DPF3: variants seen among roughly 807,000 people sequenced by gnomAD.
DPF3 encodes the protein double PHD fingers 3, also known as zinc finger protein DPF3.
In DPF3, 18 loss-of-function variants were observed where a neutral mutation model predicts 56.8. The observed-to-expected ratio is 0.32, with a 90% CI of 0.22 to 0.47. The LOEUF is 0.47. DPF3 is among the 20% of genes least tolerant of loss of function. The probability of loss-of-function intolerance (pLI) is 1.00; values close to 1 mark genes in which losing one functional copy is unlikely to be tolerated. For synonymous variants in DPF3, 188 were observed against 180.2 expected (o/e 1.04, Z -0.35); for missense variants, 403 against 488.8 (o/e 0.82, Z 1.65).
At chr14:72,867,050 G>A (rs1245656393) in intron 1 of DPF3, among the ~76,000 whole-genome samples, 4 of 137,732 alleles carry the variant, frequency 2.9e-5, no homozygotes, top group South Asian at 2.1e-4. Context: ...TCAACAGGAC[G>A]GCTTTTATTT....
At chr14:72,755,090 C>G (rs781265767) in intron 2 of DPF3, among the ~76,000 whole-genome samples, 5 of 152,220 alleles carry the variant, frequency 3.3e-5, no homozygotes, top group Non-Finnish European at 5.9e-5. Flanking sequence ...CCCCTGCACC[C>G]CCTCTCCCAC....
intron 1 of DPF3, among the ~76,000 whole-genome samples, chr14:72,773,107 C>A (rs191326967): frequency 6.8e-6 from 1 of 146,690 alleles, no homozygotes; most frequent in Non-Finnish European, 1.5e-5. Flanking sequence ...ATAAAAAAAG[C>A]AAAATTGGGG....
chr14:72,745,229 C>A (rs1032964534), intron 3 of DPF3, among the ~76,000 whole-genome samples: 1 of 152,062 alleles, frequency 6.6e-6, no homozygotes, highest in Admixed American at 6.6e-5. Flanking sequence ...AAGTTTTGCC[C>A]AGAGGATTAT....
intron 6 of DPF3, among the ~76,000 whole-genome samples, chr14:72,698,374 T>G (rs1002935996): frequency 6.6e-6 from 1 of 152,224 alleles, no homozygotes; most frequent in Non-Finnish European, 1.5e-5. Flanking sequence ...TGTAGGCTAA[T>G]GTATATTTTC....
chr14:72,637,580 A>T (rs1405915675), intron 8 of DPF3, among the ~76,000 whole-genome samples: 1 of 152,220 alleles, frequency 6.6e-6, no homozygotes, highest in Admixed American at 6.5e-5. Context: ...ACACTTTGAG[A>T]TATATTACAG....
At chr14:72,857,081 G>A (rs1038974890) in intron 1 of DPF3, among the ~76,000 whole-genome samples, 1 of 152,222 alleles carries the variant, frequency 6.6e-6, no homozygotes, top group African/African-American at 2.4e-5. Flanking sequence ...GCAGACTAAA[G>A]GGGCGACCAG....
chr14:72,835,118 A>G (rs1599483463), intron 1 of DPF3, among the ~76,000 whole-genome samples: 1 of 151,788 alleles, frequency 6.6e-6, no homozygotes, highest in Non-Finnish European at 1.5e-5. Context: ...CCCAGGCTGG[A>G]GTGCAGTGGT....
At position 72,615,470 on chromosome 14, in the gene DPF3, C is replaced by T. The variant is rs190324600; in HGVS notation, c.*3827G>A. ...AAGGAAGCGGGCTGTATTCAAAGCA[C>T]GAATACAAAAATGCACCAGGAGTGT... On this transcript the variant is annotated 3_prime_UTR_variant, in exon 11 of 11. Transcript: ENST00000556509. Among the ~76,000 whole-genome samples, 1 of 152,338 alleles carries T rather than the reference C, an allele frequency of 6.6e-6. No homozygotes were observed. The highest frequency in any genetic ancestry group is 6.5e-5 in the Admixed American group (1 of 15,312).
intron 1 of DPF3, chr14:72,836,622 C>T (rs937422031): frequency 5.3e-6 from 4 of 759,584 alleles, no homozygotes; most frequent in Non-Finnish European, 6.4e-6. Context: ...AGGAAACCTC[C>T]TACCCAGTGC....
At chr14:72,859,462 A>T (rs1435667604) in intron 1 of DPF3, among the ~76,000 whole-genome samples, 1 of 108,752 alleles carries the variant, frequency 9.2e-6, no homozygotes, top group Non-Finnish European at 1.9e-5. Flanking sequence ...GGTTCTCTGC[A>T]GCTTCCTCCC....
At chr14:72,849,440 T>C (rs1380863640) in intron 1 of DPF3, among the ~76,000 whole-genome samples, 1 of 152,198 alleles carries the variant, frequency 6.6e-6, no homozygotes, top group Non-Finnish European at 1.5e-5. Context: ...TGCACTCTTC[T>C]GCCCACGCTG....
At chr14:72,691,949 T>A (rs531130493) in intron 7 of DPF3, among the ~76,000 whole-genome samples, 2 of 152,056 alleles carry the variant, frequency 1.3e-5, no homozygotes, top group African/African-American at 4.8e-5. Flanking sequence ...GGTTTTCTTA[T>A]GAGAACCCTA....
At chr14:72,790,430 A>G (rs1892381940) in intron 1 of DPF3, among the ~76,000 whole-genome samples, 1 of 152,128 alleles carries the variant, frequency 6.6e-6, no homozygotes, top group Admixed American at 6.5e-5. Flanking sequence ...GTCCCCACTG[A>G]GCATTCCATA....
chr14:72,818,495 C>T (rs1218260648), intron 1 of DPF3, among the ~76,000 whole-genome samples: 1 of 152,050 alleles, frequency 6.6e-6, no homozygotes, highest in Non-Finnish European at 1.5e-5. Flanking sequence ...GCCTGGGAAA[C>T]ACAGAAAGAC....
chr14:72,619,322 GCTT>G lies in DPF3; in HGVS notation c.1109_1111del (p.Lys370_Ala371delinsThr). On this transcript the variant is annotated inframe_deletion, in exon 11 of 11. Transcript: ENST00000556509. ...CTAGGCCTGGCAGCCAAAGGCTGAG[GCTT>G]TCTCTTTGAGCAGTTCCCAGCATAA... 2 of 1,536,144 alleles carry G rather than the reference GCTT, an allele frequency of 1.3e-6. No individual in the cohort carries two copies. Among genetic ancestry groups the G allele is most frequent in the Non-Finnish European group, 1.7e-6 (2 of 1,146,902 alleles).
intron 6 of DPF3, among the ~76,000 whole-genome samples, chr14:72,702,161 G>A (rs892240221): frequency 6.6e-6 from 1 of 152,126 alleles, no homozygotes; most frequent in Admixed American, 6.5e-5. Flanking sequence ...TCTCTGCTTG[G>A]CACTGCCTCC....
chr14:72,731,772 A>T, intron 4 of DPF3, 35 bp downstream of exon 4: 1 of 1,612,122 alleles, frequency 6.2e-7, no homozygotes, highest in Non-Finnish European at 8.5e-7. Context: ...GGTGACAGGA[A>T]CACTCTGTGG....
intron 1 of DPF3, among the ~76,000 whole-genome samples, chr14:72,848,477 T>A (rs1175144514): frequency 6.6e-6 from 1 of 152,192 alleles, no homozygotes; most frequent in African/African-American, 2.4e-5. Flanking sequence ...ATGTAGCCAT[T>A]CTATTTGGGG....
chr14:72,629,832 G>T, intron 8 of DPF3, 96 bp from the exon 9 acceptor site: 4 of 1,031,094 alleles, frequency 3.9e-6, no homozygotes, highest in South Asian at 2.8e-5. Context: ...CAGTGTGCAG[G>T]CAGGGCAGGG....
Sources: allele counts gnomAD v4.1 joint callset (sites outside exome capture counted in the v4.1 genomes callset), GRCh38; gene constraint gnomAD v4.1.1; transcripts MANE v1.5; gene names NCBI Gene and HGNC (gene_info 2026-07-23, HGNC 2026-07-21).